ZNF438: variants seen among roughly 807,000 people sequenced by gnomAD.
The protein encoded by ZNF438 is zinc finger protein 438.
ZNF438 carries 25 observed loss-of-function variants against 38.0 expected under a neutral mutation model. The observed-to-expected ratio is 0.66, with a 90% confidence interval of 0.48 to 0.92. The LOEUF is 0.92. Among genes scored for constraint, ZNF438 ranks in the 40% least tolerant of loss-of-function variants. The probability of loss-of-function intolerance (pLI) is 0.00; values close to 1 mark genes in which losing one functional copy is unlikely to be tolerated. For synonymous variants in ZNF438, 372 were observed against 364.1 expected (o/e 1.02, Z -0.25); for missense variants, 1,007 against 999.6 (o/e 1.01, Z -0.10).
chr10:30,964,222 T>A (rs978527500), intron 1 of ZNF438, among the ~76,000 whole-genome samples: 1 of 152,236 alleles, frequency 6.6e-6, no homozygotes, highest in African/African-American at 2.4e-5. Flanking sequence ...CCCTTACTTA[T>A]AAATGTCAGA....
At chr10:31,016,083 A>G (rs939842254) in intron 1 of ZNF438, among the ~76,000 whole-genome samples, 2 of 152,248 alleles carry the variant, frequency 1.3e-5, no homozygotes, top group African/African-American at 4.8e-5. Flanking sequence ...TTTTAAGTAC[A>G]GTAAAACTGA....
intron 1 of ZNF438, among the ~76,000 whole-genome samples, chr10:30,969,703 C>T (rs1313080583): frequency 1.3e-5 from 2 of 152,124 alleles, no homozygotes; most frequent in Middle Eastern, 3.2e-3. Flanking sequence ...TGGAAATGAG[C>T]ACTTCTTAAC....
At chr10:30,887,949 T>C (rs2040176664) in intron 3 of ZNF438, among the ~76,000 whole-genome samples, 2 of 152,202 alleles carry the variant, frequency 1.3e-5, no homozygotes, top group South Asian at 2.1e-4. Flanking sequence ...TATTCACTTA[T>C]TATGTGTATC....
At chr10:31,009,048 A>G (rs1445831091) in intron 1 of ZNF438, among the ~76,000 whole-genome samples, 5 of 152,212 alleles carry the variant, frequency 3.3e-5, no homozygotes, top group Non-Finnish European at 7.3e-5. Flanking sequence ...TCAGCCATTC[A>G]TAAATCTTCC....
chr10:30,845,227 TG>T lies in ZNF438; in HGVS notation c.2220del (p.Met741TrpfsTer71). On this transcript the variant is annotated frameshift_variant, in exon 6 of 6. Transcript: ENST00000413025. LOFTEE classifies it low-confidence loss of function (END_TRUNC). The stretch of plus-strand genomic sequence containing the variant: ...CCTGACTGGGGTCCTTCATTTTCCA[TG>T]AGCATTTCCACGCCATTCTGATGAA... The T allele has an allele frequency of 1.2e-6, 2 of 1,614,168 alleles. No homozygotes were observed. The highest frequency in any genetic ancestry group is 1.7e-6 in the Non-Finnish European group (2 of 1,180,024).
At chr10:30,863,890 T>C (rs1046125127) in intron 4 of ZNF438, among the ~76,000 whole-genome samples, 1 of 152,216 alleles carries the variant, frequency 6.6e-6, no homozygotes. Flanking sequence ...AATCCAACCA[T>C]TGTGAACGCT....
chr10:30,863,624 G>A (rs750750119), intron 4 of ZNF438, among the ~76,000 whole-genome samples: 2 of 152,216 alleles, frequency 1.3e-5, no homozygotes, highest in Non-Finnish European at 2.9e-5. Flanking sequence ...GAGTATGTCA[G>A]AGTTAACTTT....
chr10:30,953,873 G>A (rs563189510), intron 1 of ZNF438, among the ~76,000 whole-genome samples: 1 of 152,352 alleles, frequency 6.6e-6, no homozygotes, highest in East Asian at 1.9e-4. Flanking sequence ...GCCGGGCACA[G>A]TGGCTCACAC....
chr10:30,883,082 TA>T (rs976120142), intron 3 of ZNF438, among the ~76,000 whole-genome samples: 1 of 152,124 alleles, frequency 6.6e-6, no homozygotes, highest in Non-Finnish European at 1.5e-5. Context: ...AGTAAGGACT[TA>T]AAAAATTTAT....
intron 4 of ZNF438, among the ~76,000 whole-genome samples, chr10:30,858,211 T>C (rs372964997): frequency 1.3e-5 from 2 of 152,242 alleles, no homozygotes; most frequent in East Asian, 3.8e-4. Flanking sequence ...ATTTTAGGTG[T>C]TGTTCTGGTT....
intron 1 of ZNF438, among the ~76,000 whole-genome samples, chr10:31,013,478 C>G (rs779198180): frequency 6.6e-6 from 1 of 152,136 alleles, no homozygotes; most frequent in Non-Finnish European, 1.5e-5. Context: ...GCTCCCTACA[C>G]CCCCTTCACT....
upstream of ZNF438, among the ~76,000 whole-genome samples, chr10:31,032,243 CCA>C (rs2057338571): frequency 6.6e-6 from 1 of 152,200 alleles, no homozygotes; most frequent in African/African-American, 2.4e-5. Context: ...GGTAGTTTTT[CCA>C]CAGACATTGC....
chr10:30,845,676 C>G (rs182930089), intron 5 of ZNF438, 103 bp from the exon 7 acceptor site: 7 of 1,383,070 alleles, frequency 5.1e-6, no homozygotes, highest in South Asian at 1.4e-5. Flanking sequence ...ATAACACTGA[C>G]GAGAAAGACA....
chr10:30,922,621 G>A (rs182270161), intron 2 of ZNF438, among the ~76,000 whole-genome samples: 216 of 152,248 alleles, frequency 1.4e-3, no homozygotes, highest in African/African-American at 4.9e-3. Context: ...ATCACCTGAG[G>A]TCAGGAGTTT....
At chr10:30,903,047 C>T (rs1417103812) in intron 3 of ZNF438, among the ~76,000 whole-genome samples, 1 of 152,200 alleles carries the variant, frequency 6.6e-6, no homozygotes, top group African/African-American at 2.4e-5. Flanking sequence ...AGGTCCTAAT[C>T]CCCTCACTGC....
chr10:31,003,011 C>T (rs1387492863), intron 1 of ZNF438, among the ~76,000 whole-genome samples: 1 of 152,098 alleles, frequency 6.6e-6, no homozygotes, highest in African/African-American at 2.4e-5. Context: ...TTACAGAAGG[C>T]AGTTTTCAAA....
chr10:30,861,434 T>C (rs1484567711), intron 4 of ZNF438, among the ~76,000 whole-genome samples: 1 of 152,194 alleles, frequency 6.6e-6, no homozygotes, highest in Non-Finnish European at 1.5e-5. Flanking sequence ...GGGCTGGCTA[T>C]ATCATGCTGC....
intron 4 of ZNF438, among the ~76,000 whole-genome samples, chr10:30,871,951 C>T (rs549474033): frequency 3.3e-5 from 5 of 152,264 alleles, no homozygotes; most frequent in African/African-American, 4.8e-5. Flanking sequence ...AGAAATAACA[C>T]TCACAATTTG....
chr10:30,849,173 C>T, exon 5 of ZNF438: 1 of 1,614,006 alleles, frequency 6.2e-7, no homozygotes, highest in Non-Finnish European at 8.5e-7. Context: ...TCTTTCTTTA[C>T]CATCTCTACA....
Sources: allele counts gnomAD v4.1 joint callset (sites outside exome capture counted in the v4.1 genomes callset), GRCh38; gene constraint gnomAD v4.1.1; transcripts MANE v1.5; gene names NCBI Gene and HGNC (gene_info 2026-07-23, HGNC 2026-07-21).